SUGCT: variants seen among roughly 807,000 people sequenced by gnomAD.
SUGCT encodes succinyl-CoA:glutarate-CoA transferase.
Under a neutral mutation model 55.0 loss-of-function variants are expected in SUGCT, and 41 were observed. The ratio of observed to expected loss-of-function variants is 0.74; its 90% confidence interval spans 0.58 to 0.97. The LOEUF (loss-of-function observed/expected upper bound fraction) is 0.97. Ranked by LOEUF, SUGCT falls within the 50% of genes least tolerant of loss-of-function variation. SUGCT has a pLI of 0.00. For missense variants in SUGCT, 568 were observed against 547.8 expected (o/e 1.04, Z -0.37); for synonymous variants, 187 against 200.4 (o/e 0.93, Z 0.56).
intron 6 of SUGCT, among the ~76,000 whole-genome samples, chr7:40,229,707 G>A (rs535983649): frequency 1.3e-4 from 19 of 151,656 alleles, no homozygotes; most frequent in South Asian, 4.2e-4. Context: ...CCAGCTACTC[G>A]GGAGGCTGAG....
At chr7:40,675,512 A>G (rs994209181) in intron 12 of SUGCT, among the ~76,000 whole-genome samples, 4 of 152,226 alleles carry the variant, frequency 2.6e-5, no homozygotes, top group Non-Finnish European at 5.9e-5. Context: ...TCAGAGAGAG[A>G]CAAAAGCACA....
At chr7:40,580,005 A>T (rs548161405) in intron 12 of SUGCT, among the ~76,000 whole-genome samples, 1 of 152,328 alleles carries the variant, frequency 6.6e-6, no homozygotes, top group African/African-American at 2.4e-5. Flanking sequence ...AACAATCTGC[A>T]TTGCCAAATA....
chr7:40,984,116 C>T, the SUGCT span, among the ~76,000 whole-genome samples: 23 of 152,186 alleles, frequency 1.5e-4, no homozygotes, highest in Non-Finnish European at 2.9e-4. Context: ...ACTGACAGAA[C>T]TCTCCCCTTT....
intron 8 of SUGCT, among the ~76,000 whole-genome samples, chr7:40,284,018 C>A (rs1468519698): frequency 6.6e-6 from 1 of 151,968 alleles, no homozygotes; most frequent in African/African-American, 2.4e-5. Flanking sequence ...TATGAACCTG[C>A]AGGACTAAGT....
At chr7:40,419,121 C>T (rs1376070083) in intron 9 of SUGCT, among the ~76,000 whole-genome samples, 1 of 152,036 alleles carries the variant, frequency 6.6e-6, no homozygotes, top group Non-Finnish European at 1.5e-5. Flanking sequence ...AATATGTGCT[C>T]ATTTATGGGG....
intron 12 of SUGCT, among the ~76,000 whole-genome samples, chr7:40,612,414 G>T (rs1052719117): frequency 6.6e-6 from 1 of 152,098 alleles, no homozygotes; most frequent in African/African-American, 2.4e-5. Context: ...CTTTGAACTC[G>T]TACACTTGCC....
chr7:40,264,972 C>G (rs1791462625), intron 7 of SUGCT, among the ~76,000 whole-genome samples: 1 of 152,172 alleles, frequency 6.6e-6, no homozygotes, highest in Non-Finnish European at 1.5e-5. Flanking sequence ...ACTTAATTCT[C>G]ATACCAAATG....
intron 12 of SUGCT, among the ~76,000 whole-genome samples, chr7:40,691,795 C>T (rs1177033813): frequency 6.6e-6 from 1 of 152,100 alleles, no homozygotes; most frequent in African/African-American, 2.4e-5. Context: ...CAACAACCGC[C>T]TTCTTCTTTT....
intron 8 of SUGCT, among the ~76,000 whole-genome samples, chr7:40,291,353 C>T (rs112606770): frequency 0.43 from 64,538 of 149,022 alleles, 15,305 homozygotes; most frequent in African/African-American, 0.63. Flanking sequence ...ATGTCCTTTG[C>T]AGGGACATGG....
intron 12 of SUGCT, among the ~76,000 whole-genome samples, chr7:40,645,456 G>A (rs1255534478): frequency 6.6e-6 from 1 of 152,148 alleles, no homozygotes; most frequent in Non-Finnish European, 1.5e-5. Context: ...GTACTCCTCA[G>A]TTCACACCAC....
intron 11 of SUGCT, 41 bp from the exon 12 acceptor site, chr7:40,496,243 T>A: frequency 1.5e-6 from 2 of 1,339,476 alleles, no homozygotes; most frequent in Non-Finnish European, 2.1e-6. Flanking sequence ...TGTGTTACAT[T>A]CCTTCCTGTG....
At chr7:40,558,325 T>C (rs1795663223) in intron 12 of SUGCT, among the ~76,000 whole-genome samples, 1 of 152,204 alleles carries the variant, frequency 6.6e-6, no homozygotes, top group African/African-American at 2.4e-5. Flanking sequence ...CCAGTGATCA[T>C]AGCAACGTTA....
chr7:40,665,547 G>A (rs10246676), intron 12 of SUGCT, among the ~76,000 whole-genome samples: 7,864 of 152,114 alleles, frequency 0.052, 639 homozygotes, highest in African/African-American at 0.18. Context: ...TGAAAACACC[G>A]TTTTAAGAAG....
At chr7:40,992,163 G>A in the SUGCT span, among the ~76,000 whole-genome samples, 1 of 152,106 alleles carries the variant, frequency 6.6e-6, no homozygotes, top group African/African-American at 2.4e-5. Context: ...TTATTCATGG[G>A]TTTTCCGGAA....
chr7:40,487,476 T>C (rs1465774812), intron 11 of SUGCT, among the ~76,000 whole-genome samples: 1 of 151,922 alleles, frequency 6.6e-6, no homozygotes, highest in East Asian at 1.9e-4. Flanking sequence ...ATTTTACATG[T>C]AGTAGAGAAG....
chr7:40,801,556 G>A lies in SUGCT; in HGVS notation c.1153+52059G>A, dbSNP rs371366555. Among the ~76,000 whole-genome samples the A allele has an allele frequency of 2.0e-5, 3 of 152,238 alleles. No individual in the cohort carries two copies. The East Asian group carries it at 5.8e-4, about 29-fold the overall frequency. Reference sequence around the variant, plus strand: ...ACGTGGACAATGAAGAAGGGGTTGGGAGAAGCTGGCAATAGTGAGCCAGTC... The same window carrying A: ...ACGTGGACAATGAAGAAGGGGTTGGAAGAAGCTGGCAATAGTGAGCCAGTC... On this transcript the variant is annotated intron_variant, in intron 13 of 13. Coordinates refer to ENST00000335693, the MANE Select transcript of SUGCT (RefSeq NM_001193313.2).
At chr7:40,170,954 G>T (rs1222146452) in intron 1 of SUGCT, among the ~76,000 whole-genome samples, 1 of 152,094 alleles carries the variant, frequency 6.6e-6, no homozygotes, top group East Asian at 1.9e-4. Context: ...TTGCGCTCAG[G>T]GGTGAGTTCT....
chr7:40,753,607 A>T (rs1584388430), intron 13 of SUGCT, among the ~76,000 whole-genome samples: 1 of 152,172 alleles, frequency 6.6e-6, no homozygotes, highest in East Asian at 1.9e-4. Flanking sequence ...AATTTTCTGT[A>T]TGTCACACTA....
the SUGCT span, among the ~76,000 whole-genome samples, chr7:40,943,508 T>C: frequency 7.1e-6 from 1 of 141,616 alleles, no homozygotes; most frequent in Non-Finnish European, 1.5e-5. Context: ...TCAATTCCCA[T>C]CTATGAGTGA....
Sources: allele counts gnomAD v4.1 joint callset (sites outside exome capture counted in the v4.1 genomes callset), GRCh38; gene constraint gnomAD v4.1.1; transcripts MANE v1.5; gene names NCBI Gene and HGNC (gene_info 2026-07-23, HGNC 2026-07-21).